Variants in MYOF observed in about 807,000 individuals in gnomAD.
The protein encoded by MYOF is fer-1-like 3, myoferlin.
In MYOF, 244 loss-of-function variants were observed where a neutral mutation model predicts 284.2. The ratio of observed to expected loss-of-function variants is 0.86; its 90% confidence interval spans 0.77 to 0.95. The LOEUF is 0.95. MYOF is among the 40% of genes least tolerant of loss of function. The pLI, the probability that MYOF is intolerant of heterozygous loss-of-function variation, is 0.00. For missense variants in MYOF, 2,496 were observed against 2,560.6 expected (o/e 0.97, Z 0.54); for synonymous variants, 904 against 919.7 (o/e 0.98, Z 0.31).
In MYOF at chr10:93,323,106, C is replaced by T; in HGVS notation, c.5428G>A (p.Glu1810Lys). 6.2e-7 allele frequency: 1 copy of T among 1,614,122 alleles called. No homozygotes were observed. The highest frequency in any genetic ancestry group is 1.6e-4 in the Middle Eastern group (1 of 6,062). ...TTGACGTAGATGTCACTCATTTCCT[C>T]TCCTGTGATGCTTTTCTCGTCCAAG... is the stretch of plus-strand genomic sequence containing the variant. ...VILDEKSITG[E>K]EMSDIYVKGW... Residue 1810 changes from glutamate to lysine, a missense_variant, in exon 48 of 54, where the codon GAG becomes AAG. Glu to Lys is a moderately conservative substitution (Grantham distance 56). Coordinates refer to ENST00000359263, the MANE Select transcript of MYOF (RefSeq NM_013451.4).
At chr10:93,388,071 C>A (rs1300964613) in intron 18 of MYOF, among the ~76,000 whole-genome samples, 158 bp from the exon 19 acceptor site, 1 of 152,200 alleles carries the variant, frequency 6.6e-6, no homozygotes, top group Non-Finnish European at 1.5e-5. Flanking sequence ...GGATTCAGGT[C>A]TCTGGTGTTT....
At chr10:93,408,518 C>G (rs901632727) in intron 7 of MYOF, among the ~76,000 whole-genome samples, 6 of 148,684 alleles carry the variant, frequency 4.0e-5, no homozygotes, top group African/African-American at 7.5e-5. Flanking sequence ...GCCTGGGCAA[C>G]AAGAGCGAAA....
chr10:93,368,419 G>T (rs1845424259), intron 25 of MYOF, among the ~76,000 whole-genome samples: 1 of 152,222 alleles, frequency 6.6e-6, no homozygotes, highest in Admixed American at 6.5e-5. Flanking sequence ...CTGGGAGTCT[G>T]CATGCTTAAC....
intron 1 of MYOF, chr10:93,478,045 G>T (rs951642513): frequency 3.3e-5 from 6 of 181,422 alleles, no homozygotes; most frequent in African/African-American, 1.4e-4. Flanking sequence ...AGAAAGAATA[G>T]AAGAGGTGTG....
chr10:93,325,320 C>T (rs963954621), intron 46 of MYOF, among the ~76,000 whole-genome samples: 4 of 152,206 alleles, frequency 2.6e-5, no homozygotes, highest in Non-Finnish European at 5.9e-5. Context: ...TGGTCCTCGC[C>T]TCCCTGATAC....
intron 1 of MYOF, among the ~76,000 whole-genome samples, chr10:93,478,836 A>AGAAAGAAAGAAAGAAAG (rs200937397): frequency 1.2e-4 from 7 of 58,930 alleles, no homozygotes; most frequent in South Asian, 6.7e-4. Flanking sequence ...AAAAAAAAAA[A>AGAAAGAAAGAAAGAAAG]AAAAAAAGAA....
At chr10:93,376,238 C>T (rs1453680171) in intron 22 of MYOF, among the ~76,000 whole-genome samples, 1 of 152,164 alleles carries the variant, frequency 6.6e-6, no homozygotes. Flanking sequence ...ATAACTACGG[C>T]ATTGTATTTG....
Position 93,423,300 on chromosome 10 carries a change from G to A in MYOF, c.433+2771C>T, listed in dbSNP as rs368984677. 3.5e-4 allele frequency among the ~76,000 whole-genome samples: 53 copies of A among 152,004 alleles called. No individual in the cohort carries two copies. In the East Asian group the frequency reaches 0.01, roughly 29 times the overall value. The stretch of plus-strand genomic sequence containing the variant: ...CCAGCACTTTGGGAGGCCAAGGCAA[G>A]CAGATCACTTGAGGTCAGGAGTTCA... On this transcript the variant is annotated intron_variant, in intron 5 of 53. Transcript: ENST00000359263.
At chr10:93,458,955 C>T (rs1262727754) in intron 1 of MYOF, among the ~76,000 whole-genome samples, 1 of 152,240 alleles carries the variant, frequency 6.6e-6, no homozygotes, top group Non-Finnish European at 1.5e-5. Context: ...TCTTCCAAGA[C>T]CTCAGCATAG....
chr10:93,403,182 A>C (rs12245894), intron 9 of MYOF, among the ~76,000 whole-genome samples: 10,313 of 152,090 alleles, frequency 0.068, 457 homozygotes, highest in African/African-American at 0.13. Flanking sequence ...CCTCAGTTTT[A>C]CCACTAAAGT....
rs1843408891 is a variant in MYOF at position 93,333,084 on chromosome 10, GC to G, written c.4811+136del. On this transcript the variant is annotated intron_variant, in intron 43 of 53. Coordinates refer to ENST00000359263, the MANE Select transcript of MYOF (RefSeq NM_013451.4). ...TTTTGGGTTTATCTATTTATTACCT[GC>G]TCCCCTGTCTAGAATGTTTATCTAG... 9 of 713,626 alleles carry G rather than the reference GC, an allele frequency of 1.3e-5. No homozygotes were observed. The East Asian group carries it at 2.1e-4, about 17-fold the overall frequency. The allele number at this position is 713,626 out of a possible 1,614,324, so 44.2% of individuals were successfully genotyped here.
intron 4 of MYOF, among the ~76,000 whole-genome samples, chr10:93,431,037 T>C (rs1249340092): frequency 6.7e-6 from 1 of 150,358 alleles, no homozygotes. Flanking sequence ...TTTTTTTTTT[T>C]TTTTGTTTGA....
intron 5 of MYOF, among the ~76,000 whole-genome samples, chr10:93,418,053 C>T (rs925247152): frequency 2.0e-4 from 31 of 152,212 alleles, no homozygotes; most frequent in Non-Finnish European, 3.7e-4. Flanking sequence ...CCTCCTGCCT[C>T]GGCCTCCCAA....
intron 48 of MYOF, among the ~76,000 whole-genome samples, chr10:93,320,906 G>A (rs1362579427): frequency 1.3e-5 from 2 of 152,092 alleles, no homozygotes; most frequent in Non-Finnish European, 1.5e-5. Context: ...TAGGAGGCAG[G>A]CCTGGCTGGA....
intron 5 of MYOF, among the ~76,000 whole-genome samples, chr10:93,415,716 C>G (rs1848088996): frequency 6.6e-6 from 1 of 152,198 alleles, no homozygotes; most frequent in African/African-American, 2.4e-5. Flanking sequence ...TGACTTGAAG[C>G]CAACTCTTCC....
rs71031511 is a variant in MYOF, at chr10:93,465,538, C to CTTTTT, written c.89-8606_89-8602dup. On this transcript the variant is annotated intron_variant, in intron 1 of 53. Transcript: ENST00000359263. ...CTTTTTTCTTTCTTTTTTTTCTTTT[C>CTTTTT]TTTTTTTTTTTTTTTGAGATGACTG... Among the ~76,000 whole-genome samples, 1,099 of 112,108 alleles carry CTTTTT rather than the reference C, an allele frequency of 9.8e-3. 68 individuals carry two copies. Among genetic ancestry groups the CTTTTT allele is most frequent in the African/African-American group, 0.032 (948 of 29,940 alleles). 73.5% of individuals were successfully genotyped at this position (112,108 alleles called of 152,430 possible).
chr10:93,333,623 G>T, intron 42 of MYOF, 135 bp downstream of exon 42: 1 of 1,215,506 alleles, frequency 8.2e-7, no homozygotes, highest in African/African-American at 1.5e-5. Flanking sequence ...CAATCCTCCT[G>T]AATACATTGT....
intron 3 of MYOF, among the ~76,000 whole-genome samples, chr10:93,441,287 G>A (rs573575304): frequency 2.0e-5 from 3 of 152,204 alleles, no homozygotes; most frequent in South Asian, 2.1e-4. Context: ...AATGAAAAAC[G>A]TCTTATAAGC....
intron 24 of MYOF, 101 bp from the exon 25 acceptor site, chr10:93,369,877 C>T: frequency 7.1e-7 from 1 of 1,418,268 alleles, no homozygotes; most frequent in Non-Finnish European, 9.6e-7. Flanking sequence ...TCATTGCTTT[C>T]ACCAGTCTAA....
Sources: allele counts gnomAD v4.1 joint callset (sites outside exome capture counted in the v4.1 genomes callset), GRCh38; gene constraint gnomAD v4.1.1; transcripts MANE v1.5; gene names NCBI Gene and HGNC (gene_info 2026-07-23, HGNC 2026-07-21).